The following CMC2 variants were observed in gnomAD, a reference collection of about 807,000 sequenced individuals.
CMC2 encodes the protein C-X9-C motif containing 2, also known as COX assembly mitochondrial protein 2 homolog.
Under a neutral mutation model 7.5 loss-of-function variants are expected in CMC2, and 5 were observed. The ratio of observed to expected loss-of-function variants is 0.66; its 90% CI spans 0.35 to 1.40. CMC2 has a LOEUF of 1.40. Ranked by LOEUF, CMC2 falls within the 40% of genes most tolerant of loss-of-function variation. The pLI is 0.04. For missense variants in CMC2, 115 were observed against 92.3 expected (o/e 1.25, Z -1.01); for synonymous variants, 37 against 31.4 (o/e 1.18, Z -0.60).
chr16:80,997,112 T>C, intron 2 of CMC2: 1 of 584,010 alleles, frequency 1.7e-6, no homozygotes. Context: ...AACTACCATG[T>C]CTGATTTTTA....
intron 3 of CMC2, among the ~76,000 whole-genome samples, chr16:80,979,370 A>G (rs895527773): frequency 6.6e-6 from 1 of 152,146 alleles, no homozygotes; most frequent in Admixed American, 6.5e-5. Flanking sequence ...AATAAGAAAA[A>G]TATCTCCAAC....
At chr16:80,987,706 C>T (rs913576760) in intron 2 of CMC2, among the ~76,000 whole-genome samples, 6 of 152,104 alleles carry the variant, frequency 3.9e-5, no homozygotes, top group Non-Finnish European at 5.9e-5. Flanking sequence ...GCAAGGTAGG[C>T]TATTTGGAGA....
At chr16:81,000,138 A>G (rs1285848097) in intron 1 of CMC2, among the ~76,000 whole-genome samples, 1 of 152,218 alleles carries the variant, frequency 6.6e-6, no homozygotes, top group East Asian at 1.9e-4. Context: ...CATCCAACAA[A>G]GGTCTAATAT....
In CMC2 at chr16:80,975,278, A is replaced by G. The variant is rs1213435519; in HGVS notation, c.*815T>C. ...GGAAAGCAAAGTCTGCTAAGACTCAATTCCTAACCAGATGAAATTTTATCA... is the reference window on the plus strand; with the variant it reads ...GGAAAGCAAAGTCTGCTAAGACTCAGTTCCTAACCAGATGAAATTTTATCA... On this transcript the variant is annotated 3_prime_UTR_variant, in exon 4 of 4. Transcript: ENST00000219400. The G allele has an allele frequency of 6.6e-6, 1 of 152,268 alleles. No homozygotes were observed. The highest frequency in any genetic ancestry group is 1.5e-5 in the Non-Finnish European group (1 of 68,060). 9.4% of individuals were successfully genotyped at this position (152,268 alleles called of 1,614,324 possible). A position where few individuals can be genotyped will look rare whatever the true frequency, so the allele number is the denominator to read the frequency against.
In CMC2 at chr16:80,971,728, GTAT is replaced by G. The variant is rs1331162699; in HGVS notation, c.*4362_*4364del. 4 of 151,640 alleles carry G rather than the reference GTAT, an allele frequency of 2.6e-5. No homozygotes were observed. Among genetic ancestry groups the G allele is most frequent in the Non-Finnish European group, 4.4e-5 (3 of 67,938 alleles). 9.4% of individuals were successfully genotyped at this position (151,640 alleles called of 1,614,324 possible). On this transcript the variant is annotated 3_prime_UTR_variant, in exon 4 of 4. Coordinates refer to ENST00000219400, the MANE Select transcript of CMC2 (RefSeq NM_020188.5). ...AACACAGGAGGCTTTACCCACTTTT[GTAT>G]TATTATTTTTTTAAACCTGTATTTT...
chr16:81,003,128 C>T (rs996571434), intron 1 of CMC2, among the ~76,000 whole-genome samples: 3 of 152,200 alleles, frequency 2.0e-5, no homozygotes, highest in African/African-American at 7.2e-5. Flanking sequence ...AGATGTACTG[C>T]TGTATTCTGG....
chr16:80,997,481 C>T, intron 1 of CMC2, 52 bp from the exon 2 acceptor site: 1 of 910,350 alleles, frequency 1.1e-6, no homozygotes, highest in Non-Finnish European at 1.8e-6. Context: ...GTTACGCCAC[C>T]TAAAAGTATC....
chr16:80,986,186 T>C (rs1373247719), intron 2 of CMC2, among the ~76,000 whole-genome samples: 1 of 152,054 alleles, frequency 6.6e-6, no homozygotes, highest in Non-Finnish European at 1.5e-5. Flanking sequence ...CCATCTCTAC[T>C]AAAAATACAA....
rs959222646 is a variant in CMC2 at position 80,968,206 on chromosome 16, G to A, written c.*7887C>T. On this transcript the variant is annotated 3_prime_UTR_variant, in exon 4 of 4. Coordinates refer to ENST00000219400, the MANE Select transcript of CMC2 (RefSeq NM_020188.5). ...TGCAGATTCTCAGTTAGTAGGTCAG[G>A]GTGGGGTCTAAAACTCTCCATTTCT... is the stretch of plus-strand genomic sequence containing the variant. 14 of 151,684 alleles carry A rather than the reference G, an allele frequency of 9.2e-5. No homozygotes were observed. Among genetic ancestry groups the A allele is most frequent in the Non-Finnish European group, 1.6e-4 (11 of 67,994 alleles). The allele number at this position is 151,684 out of a possible 1,614,324, so 9.4% of individuals were successfully genotyped here. A position where few individuals can be genotyped will look rare whatever the true frequency, so the allele number is the denominator to read the frequency against.
intron 2 of CMC2, among the ~76,000 whole-genome samples, chr16:80,989,005 G>C (rs2549835): frequency 0.65 from 99,087 of 151,988 alleles, 34,058 homozygotes; most frequent in South Asian, 0.8. Context: ...GAATACCCTA[G>C]AAGTGATGTT....
At chr16:80,979,624 T>A (rs1163270641) in intron 3 of CMC2, among the ~76,000 whole-genome samples, 1 of 152,048 alleles carries the variant, frequency 6.6e-6, no homozygotes, top group Non-Finnish European at 1.5e-5. Flanking sequence ...TTTATTTTTT[T>A]TTAATTTATT....
At chr16:80,986,033 T>G (rs1194829264) in intron 2 of CMC2, among the ~76,000 whole-genome samples, 1 of 151,900 alleles carries the variant, frequency 6.6e-6, no homozygotes, top group Non-Finnish European at 1.5e-5. Context: ...ACGCATTGTA[T>G]AGGCAAAAGG....
At position 80,981,858 on chromosome 16, in the gene CMC2, A is replaced by G. The variant is rs773699820; in HGVS notation, c.101T>C (p.Phe34Ser). The G allele has an allele frequency of 2.5e-6, 4 of 1,610,058 alleles. No individual in the cohort carries two copies. In the African/African-American group the frequency reaches 5.3e-5, roughly 21 times the overall value. The change falls in exon 3 of 4, where the codon TTT becomes TCT. Residue 34 changes from phenylalanine (F) to serine (S), a missense_variant. Phe to Ser is a radical substitution (Grantham distance 155, BLOSUM62 -2). Transcript: ENST00000219400. ...CHKNHNILKF[F>S]GYCNDVDREL... ...CCGATCAACATCATTACAATAACCA[A>G]AAAATTTCAGAATGTTGTGCTAAAA...
intron 2 of CMC2, among the ~76,000 whole-genome samples, chr16:80,989,155 A>C (rs1168484917): frequency 6.6e-6 from 1 of 152,214 alleles, no homozygotes; most frequent in Non-Finnish European, 1.5e-5. Flanking sequence ...ATGGGGACAC[A>C]CTTTGAGACC....
At chr16:81,000,677 T>A (rs977297906) in intron 1 of CMC2, among the ~76,000 whole-genome samples, 14 of 152,150 alleles carry the variant, frequency 9.2e-5, no homozygotes, top group Non-Finnish European at 1.6e-4. Flanking sequence ...GAATGGCTAT[T>A]ACTAAAAAGT....
rs1912201982 is a variant in CMC2, at chr16:80,975,355, T to A, written c.*738A>T. On this transcript the variant is annotated 3_prime_UTR_variant, in exon 4 of 4. Transcript: ENST00000219400. ...TAGTCTGGGCACAGTGGCTCACGCT[T>A]GTAATCCCAACACTTTGGGAGGCTG... 1 of 152,302 alleles carries A rather than the reference T, an allele frequency of 6.6e-6. No individual in the cohort carries two copies. Among genetic ancestry groups the A allele is most frequent in the Non-Finnish European group, 1.5e-5 (1 of 68,086 alleles). The allele number at this position is 152,302 out of a possible 1,614,324, so 9.4% of individuals were successfully genotyped here. A position where few individuals can be genotyped will look rare whatever the true frequency, so the allele number is the denominator to read the frequency against.
intron 1 of CMC2, among the ~76,000 whole-genome samples, chr16:81,004,255 G>A (rs1175976639): frequency 6.6e-6 from 1 of 152,174 alleles, no homozygotes; most frequent in African/African-American, 2.4e-5. Flanking sequence ...CAGCAGCATG[G>A]TGGAAACGAA....
At chr16:80,988,170 T>C (rs1172071150) in intron 2 of CMC2, among the ~76,000 whole-genome samples, 2 of 152,066 alleles carry the variant, frequency 1.3e-5, no homozygotes, top group East Asian at 3.9e-4. Flanking sequence ...GGTGACAGAG[T>C]GAGACATCCT....
chr16:80,996,992 T>C (rs1335702325), intron 2 of CMC2: 1 of 469,328 alleles, frequency 2.1e-6, no homozygotes, highest in South Asian at 1.6e-5. Flanking sequence ...ATCAGAAGTG[T>C]CAGCGCTGAA....
Sources: gnomAD v4.1 joint callset for allele counts (sites outside exome capture counted in the v4.1 genomes callset) on GRCh38, gnomAD v4.1.1 for gene constraint, MANE v1.5 for transcripts, NCBI Gene and HGNC (gene_info 2026-07-23, HGNC 2026-07-21) for gene names.